The following HTR4 variants were observed in gnomAD, a reference collection of about 807,000 sequenced individuals.
HTR4 encodes 5-hydroxytryptamine receptor 4.
Under a neutral mutation model 36.8 loss-of-function variants are expected in HTR4, and 16 were observed. The ratio of observed to expected loss-of-function variants is 0.43; its 90% CI spans 0.29 to 0.66. The LOEUF (loss-of-function observed/expected upper bound fraction) is 0.66, where lower values mean the gene tolerates loss of function less well. Ranked by LOEUF, HTR4 falls within the 30% of genes least tolerant of loss-of-function variation. The pLI is 0.13. For synonymous variants in HTR4, 189 were observed against 185.1 expected (o/e 1.02, Z -0.17); for missense variants, 438 against 490.9 (o/e 0.89, Z 1.02).
rs532752820 is a variant in HTR4, at chr5:148,471,497, A to G, written c.1077-20225T>C. 1.1e-4 allele frequency among the ~76,000 whole-genome samples: 17 copies of G among 152,320 alleles called. No individual in the cohort carries two copies. The East Asian group carries it at 3.3e-3, about 29-fold the overall frequency. ...GTTTCTAGGGAACCTGGAACAATTT[A>G]TGAGATAATTTCCATAGAACTATGT... On this transcript the variant is annotated intron_variant, in intron 5 of 5. Coordinates refer to the HTR4 transcript ENST00000521530.
In HTR4 at chr5:148,619,147, A is replaced by G. The variant is rs77862085; in HGVS notation, c.26+17842T>C. On this transcript the variant is annotated intron_variant, in intron 2 of 6. Coordinates refer to ENST00000377888, the MANE Select transcript of HTR4 (RefSeq NM_000870.7). The stretch of plus-strand genomic sequence containing the variant: ...GGAGTTTTGATCTTGGAGTAAAGAA[A>G]CCTTAGAATTCAGTCCAGCTTTGTT... Among the ~76,000 whole-genome samples the G allele has an allele frequency of 8.9e-3, 1,362 of 152,216 alleles. 26 individuals carry two copies. Among genetic ancestry groups the G allele is most frequent in the African/African-American group, 0.031 (1,303 of 41,534 alleles).
intron 2 of HTR4, among the ~76,000 whole-genome samples, chr5:148,608,291 G>A (rs1242512812): frequency 6.6e-6 from 1 of 152,008 alleles, no homozygotes; most frequent in African/African-American, 2.4e-5. Flanking sequence ...CAAACAAACA[G>A]GCAATTATCA....
intron 6 of HTR4, among the ~76,000 whole-genome samples, chr5:148,492,331 C>T (rs1756492768): frequency 6.6e-6 from 1 of 152,206 alleles, no homozygotes; most frequent in Admixed American, 6.5e-5. Context: ...TTCAAAATAA[C>T]AGCCCCAACT....
chr5:148,524,512 A>G (rs943676281), intron 4 of HTR4, among the ~76,000 whole-genome samples: 6 of 152,170 alleles, frequency 3.9e-5, no homozygotes, highest in Non-Finnish European at 5.9e-5. Context: ...AGAAAGAGGT[A>G]CAATCTGCCC....
At chr5:148,545,676 G>A (rs535639558) in intron 4 of HTR4, among the ~76,000 whole-genome samples, 8 of 152,200 alleles carry the variant, frequency 5.3e-5, no homozygotes, top group Non-Finnish European at 1.2e-4. Flanking sequence ...GCCTCAGGTG[G>A]CTGAGCAGAG....
At chr5:148,556,558 T>A (rs957789146) in intron 2 of HTR4, among the ~76,000 whole-genome samples, 6 of 152,140 alleles carry the variant, frequency 3.9e-5, no homozygotes, top group African/African-American at 1.4e-4. Context: ...CCTCATGGGG[T>A]TCATAGTATG....
chr5:148,611,439 T>C (rs1275695482), intron 2 of HTR4, among the ~76,000 whole-genome samples: 1 of 137,020 alleles, frequency 7.3e-6, no homozygotes, highest in Non-Finnish European at 1.6e-5. Context: ...GCTTCATAAG[T>C]GAAGGAGAAA....
At chr5:148,468,933 C>T (rs1180916701) in intron 5 of HTR4, among the ~76,000 whole-genome samples, 1 of 152,048 alleles carries the variant, frequency 6.6e-6, no homozygotes, top group Non-Finnish European at 1.5e-5. Flanking sequence ...CTTCTGCTTG[C>T]TGCTGCCAAG....
intron 5 of HTR4, among the ~76,000 whole-genome samples, chr5:148,459,933 G>A (rs1472870040): frequency 1.3e-5 from 2 of 152,136 alleles, no homozygotes; most frequent in Non-Finnish European, 2.9e-5. Flanking sequence ...AGTAACGTAA[G>A]CAATGAGATG....
At chr5:148,653,608 AACACACACACAC>A (rs56205829) in intron 1 of HTR4, among the ~76,000 whole-genome samples, 2 of 149,314 alleles carry the variant, frequency 1.3e-5, no homozygotes, top group African/African-American at 2.5e-5. Flanking sequence ...CTCTCTCTCT[AACACACACACAC>A]ACACACACAC....
chr5:148,629,594 C>G (rs1032614612), intron 2 of HTR4: 1 of 152,220 alleles, frequency 6.6e-6, no homozygotes, highest in African/African-American at 2.4e-5. Context: ...AAAACAAAGT[C>G]AGGACACTTG....
rs371403937 is a variant in HTR4, at chr5:148,520,774, G to T, written c.507+2419C>A. 38 of 884,890 alleles carry T rather than the reference G, an allele frequency of 4.3e-5. 1 individual carries two copies. The South Asian group carries it at 4.8e-4, about 11-fold the overall frequency. 54.8% of individuals were successfully genotyped at this position (884,890 alleles called of 1,614,324 possible). ...AGTAATAATAATGGTTGAAAATTTG[G>T]ATTTCATTTCCTCCAGGAATGGTGA... is the stretch of plus-strand genomic sequence containing the variant. On this transcript the variant is annotated intron_variant, in intron 5 of 6. Transcript: ENST00000377888.
In HTR4 at chr5:148,509,600, A is replaced by G; in HGVS notation, c.932T>C (p.Leu311Pro). ...GYINSGLNPFLYAFLNKSFRR... is the reference protein window; with the variant it reads ...GYINSGLNPFPYAFLNKSFRR... ...AAAAGACTTATTCAAGAAGGCGTAG[A>G]GAAAAGGGTTCAACCCGGAATTGAT... is the stretch of plus-strand genomic sequence containing the variant. The change falls in exon 6 of 7, where the codon CTC (leucine) becomes CCC (proline). Residue 311 changes from leucine to proline, a missense_variant. Transcript: ENST00000377888. The G allele has an allele frequency of 6.2e-7, 1 of 1,614,092 alleles. No individual in the cohort carries two copies. The highest frequency in any genetic ancestry group is 8.5e-7 in the Non-Finnish European group (1 of 1,179,986).
chr5:148,454,345 T>C (rs971456381), intron 5 of HTR4, among the ~76,000 whole-genome samples: 1 of 152,208 alleles, frequency 6.6e-6, no homozygotes, highest in Non-Finnish European at 1.5e-5. Flanking sequence ...TTTTTTTACT[T>C]TTTAATCTTA....
chr5:148,563,154 C>G (rs749694996), intron 2 of HTR4, among the ~76,000 whole-genome samples: 6 of 152,174 alleles, frequency 3.9e-5, no homozygotes, highest in Non-Finnish European at 7.4e-5. Flanking sequence ...ATCATCTCAA[C>G]TCTCACCACT....
At chr5:148,503,762 G>A (rs1310332407) in intron 6 of HTR4, among the ~76,000 whole-genome samples, 1 of 152,068 alleles carries the variant, frequency 6.6e-6, no homozygotes, top group Non-Finnish European at 1.5e-5. Context: ...CACATGCAGA[G>A]ACACACATAG....
At chr5:148,492,090 T>A (rs552173275) in intron 6 of HTR4, among the ~76,000 whole-genome samples, 21 of 152,312 alleles carry the variant, frequency 1.4e-4, no homozygotes, top group Non-Finnish European at 2.6e-4. Flanking sequence ...GAGCTGAGTG[T>A]TGTTTGGGGG....
At chr5:148,573,369 C>G (rs1218909971) in intron 2 of HTR4, among the ~76,000 whole-genome samples, 2 of 152,048 alleles carry the variant, frequency 1.3e-5, no homozygotes, top group African/African-American at 4.8e-5. Context: ...TTTTCACTCA[C>G]TGTACATGTC....
intron 5 of HTR4, chr5:148,451,343 C>T (rs1262443328): frequency 6.2e-7 from 1 of 1,606,826 alleles, no homozygotes; most frequent in Non-Finnish European, 8.5e-7. Flanking sequence ...CAAGAGCACT[C>T]CTTCTACTCT....
Sources: gnomAD v4.1 joint callset for allele counts (sites outside exome capture counted in the v4.1 genomes callset) on GRCh38, gnomAD v4.1.1 for gene constraint, MANE v1.5 for transcripts, NCBI Gene and HGNC (gene_info 2026-07-23, HGNC 2026-07-21) for gene names.